RBFOX1: variants seen among roughly 807,000 people sequenced by gnomAD.
RBFOX1 encodes the protein RNA binding protein fox-1 homolog 1.
Under a neutral mutation model 57.7 loss-of-function variants are expected in RBFOX1, and 8 were observed. That is an observed-to-expected ratio of 0.14 (90% CI 0.08 to 0.25). The LOEUF (loss-of-function observed/expected upper bound fraction) is 0.25. RBFOX1 is among the 10% of genes least tolerant of loss of function. The pLI, the probability that RBFOX1 is intolerant of heterozygous loss-of-function variation, is 1.00. For synonymous variants in RBFOX1, 326 were observed against 222.4 expected (o/e 1.47, Z -4.15); for missense variants, 611 against 548.5 (o/e 1.11, Z -1.14).
intron 1 of RBFOX1, among the ~76,000 whole-genome samples, chr16:5,282,339 A>G (rs1380016162): frequency 3.3e-5 from 5 of 152,218 alleles, no homozygotes; most frequent in Non-Finnish European, 2.9e-5. Context: ...ATGGACTAAT[A>G]CAGTAAATTG....
At chr16:5,890,335 C>G (rs1304746509) in intron 4 of RBFOX1, among the ~76,000 whole-genome samples, 2 of 152,174 alleles carry the variant, frequency 1.3e-5, no homozygotes, top group Admixed American at 6.5e-5. Context: ...CGTAGTGAAG[C>G]TAGCGATAAT....
chr16:7,668,028 G>A (rs1458252010), intron 13 of RBFOX1, among the ~76,000 whole-genome samples: 3 of 152,118 alleles, frequency 2.0e-5, no homozygotes, highest in Non-Finnish European at 1.5e-5. Flanking sequence ...TTCGGTCACT[G>A]CTAAGGAAGA....
chr16:7,305,628 C>A (rs2096163149), intron 4 of RBFOX1, among the ~76,000 whole-genome samples: 1 of 152,166 alleles, frequency 6.6e-6, no homozygotes, highest in Admixed American at 6.5e-5. Flanking sequence ...CCCTCAATTT[C>A]AACCTGTGTT....
At chr16:5,847,606 G>T (rs926613782) in intron 3 of RBFOX1, among the ~76,000 whole-genome samples, 1 of 152,140 alleles carries the variant, frequency 6.6e-6, no homozygotes, top group Non-Finnish European at 1.5e-5. Context: ...ATTGAACAAC[G>T]TTTATTCCTT....
At chr16:7,233,216 T>C (rs1174710280) in intron 4 of RBFOX1, among the ~76,000 whole-genome samples, 19 of 53,262 alleles carry the variant, frequency 3.6e-4, no homozygotes, top group Non-Finnish European at 6.2e-4. Flanking sequence ...AACTCATCCT[T>C]TTTTTTTTTT....
intron 2 of RBFOX1, among the ~76,000 whole-genome samples, chr16:5,563,720 T>C (rs537299290): frequency 2.8e-4 from 42 of 152,350 alleles, no homozygotes; most frequent in African/African-American, 9.4e-4. Flanking sequence ...CCATTTAAGG[T>C]GTACAATTCA....
intron 4 of RBFOX1, among the ~76,000 whole-genome samples, chr16:5,993,872 A>G (rs958428012): frequency 6.6e-6 from 1 of 152,094 alleles, no homozygotes; most frequent in Non-Finnish European, 1.5e-5. Context: ...TGGGAAGATG[A>G]TGTATATTAA....
intron 3 of RBFOX1, among the ~76,000 whole-genome samples, chr16:5,741,543 A>C (rs1176728366): frequency 1.3e-5 from 2 of 152,244 alleles, no homozygotes; most frequent in Non-Finnish European, 2.9e-5. Flanking sequence ...TCAAGTTGGT[A>C]TGATTTTTAA....
At chr16:6,344,440 C>T (rs1169044430) in intron 2 of RBFOX1, among the ~76,000 whole-genome samples, 1 of 116,662 alleles carries the variant, frequency 8.6e-6, no homozygotes, top group African/African-American at 4.1e-5. Flanking sequence ...CTCTATCGCC[C>T]AGGCTGGAGT....
chr16:5,875,394 G>A (rs1156238573), intron 4 of RBFOX1, among the ~76,000 whole-genome samples: 1 of 152,182 alleles, frequency 6.6e-6, no homozygotes, highest in African/African-American at 2.4e-5. Context: ...TCCAGTCCCA[G>A]TGAGTGGTGA....
intron 3 of RBFOX1, among the ~76,000 whole-genome samples, chr16:5,819,502 C>A (rs1207102265): frequency 6.6e-6 from 1 of 152,208 alleles, no homozygotes; most frequent in East Asian, 1.9e-4. Context: ...CTATGAAACC[C>A]TACAGAGGTT....
chr16:6,794,189 A>T (rs1250881828), intron 3 of RBFOX1, among the ~76,000 whole-genome samples: 1 of 151,252 alleles, frequency 6.6e-6, no homozygotes, highest in Non-Finnish European at 1.5e-5. Flanking sequence ...GGAGAAGTTG[A>T]TGCGGGATTA....
At chr16:7,450,297 G>C (rs1598714094) in intron 4 of RBFOX1, among the ~76,000 whole-genome samples, 1 of 149,894 alleles carries the variant, frequency 6.7e-6, no homozygotes, top group South Asian at 2.1e-4. Context: ...GGGAGGCTGA[G>C]GCAGGAGAAT....
At position 6,478,425 on chromosome 16, in the gene RBFOX1, ATATATTTTTTTTTTTT is replaced by A. The variant is rs1181797314; in HGVS notation, c.-64+161370_-64+161385del. On this transcript the variant is annotated intron_variant, in intron 2 of 15. Transcript: ENST00000550418. ...TATATATATATATATATATATATAT[ATATATTTTTTTTTTTT>A]TTTTTTGTATTTTTAGTAGAGACAG... 9.9e-3 allele frequency among the ~76,000 whole-genome samples: 116 copies of A among 11,752 alleles called. 5 individuals carry two copies. The highest frequency in any genetic ancestry group is 0.028 in the African/African-American group (110 of 3,870). 7.7% of individuals were successfully genotyped at this position (11,752 alleles called of 152,430 possible).
At chr16:7,074,163 G>C (rs918828268) in intron 4 of RBFOX1, among the ~76,000 whole-genome samples, 3 of 152,182 alleles carry the variant, frequency 2.0e-5, no homozygotes, top group Admixed American at 6.5e-5. Flanking sequence ...ACAGTCAGTA[G>C]AAAGGGACTA....
chr16:6,591,528 G>A (rs752463474), intron 2 of RBFOX1, among the ~76,000 whole-genome samples: 9 of 152,146 alleles, frequency 5.9e-5, no homozygotes, highest in African/African-American at 1.7e-4. Context: ...ACAGCAGGGC[G>A]ACCCCTGCCT....
chr16:6,609,404 G>C (rs1357126414), intron 2 of RBFOX1, among the ~76,000 whole-genome samples: 1 of 151,980 alleles, frequency 6.6e-6, no homozygotes, highest in African/African-American at 2.4e-5. Context: ...GAGTGCAGTA[G>C]TGCAGTCTCA....
At chr16:6,472,232 A>G (rs550957655) in intron 2 of RBFOX1, among the ~76,000 whole-genome samples, 121 of 152,204 alleles carry the variant, frequency 7.9e-4, no homozygotes, top group Non-Finnish European at 1.6e-3. Context: ...CAAGGGACCG[A>G]TGAAGGCCAG....
At chr16:5,841,641 T>C (rs556490851) in intron 3 of RBFOX1, among the ~76,000 whole-genome samples, 1 of 152,228 alleles carries the variant, frequency 6.6e-6, no homozygotes, top group Non-Finnish European at 1.5e-5. Context: ...TCTATCTGTC[T>C]AGTCATTGTT....
Sources: gnomAD v4.1 joint callset for allele counts (sites outside exome capture counted in the v4.1 genomes callset) on GRCh38, gnomAD v4.1.1 for gene constraint, MANE v1.5 for transcripts, NCBI Gene and HGNC (gene_info 2026-07-23, HGNC 2026-07-21) for gene names.